The following DYNC1I1 variants were observed in gnomAD, a reference collection of about 807,000 sequenced individuals.
DYNC1I1 encodes the protein cytoplasmic dynein 1 intermediate chain 1.
DYNC1I1 carries 43 observed loss-of-function variants against 86.6 expected under a neutral mutation model. The ratio of observed to expected loss-of-function variants is 0.50; its 90% CI spans 0.39 to 0.64. The LOEUF is 0.64. Among genes scored for constraint, DYNC1I1 ranks in the 30% least tolerant of loss-of-function variants. The probability of loss-of-function intolerance (pLI) is 0.00; values close to 1 mark genes in which losing one functional copy is unlikely to be tolerated. For missense variants in DYNC1I1, 604 were observed against 788.8 expected (o/e 0.77, Z 2.81); for synonymous variants, 262 against 283.7 (o/e 0.92, Z 0.77).
At position 95,912,632 on chromosome 7, in the gene DYNC1I1, A is replaced by G. The variant is rs555335604; in HGVS notation, c.490+42634A>G. Among the ~76,000 whole-genome samples, 3 of 152,310 alleles carry G rather than the reference A, an allele frequency of 2.0e-5. No individual in the cohort carries two copies. The South Asian group carries it at 6.2e-4, about 32-fold the overall frequency. On this transcript the variant is annotated intron_variant, in intron 6 of 16. Transcript: ENST00000447467. ...GCACCTCTCTAGCAGTAGAGAAGGAACCGTTCTAGCCAGACATGCAGGCTT... is the reference window on the plus strand; with the variant it reads ...GCACCTCTCTAGCAGTAGAGAAGGAGCCGTTCTAGCCAGACATGCAGGCTT...
chr7:95,968,933 G>C (rs529130597), intron 6 of DYNC1I1, among the ~76,000 whole-genome samples: 3 of 148,466 alleles, frequency 2.0e-5, no homozygotes, highest in East Asian at 2.2e-4. Flanking sequence ...GGCCATAAAG[G>C]CTGTGTCTTA....
intron 4 of DYNC1I1, among the ~76,000 whole-genome samples, chr7:95,823,431 C>T (rs1213280182): frequency 2.0e-5 from 3 of 152,170 alleles, no homozygotes; most frequent in Non-Finnish European, 4.4e-5. Flanking sequence ...ATATTTTCAG[C>T]TCATATTTAT....
chr7:95,968,645 G>A (rs1029392), intron 6 of DYNC1I1, among the ~76,000 whole-genome samples: 123,637 of 152,158 alleles, frequency 0.81, 50,610 homozygotes, highest in East Asian at 0.92. Context: ...TCCCACCAAA[G>A]GAAACTGCAG....
chr7:95,949,847 G>C (rs1408308072), intron 6 of DYNC1I1, among the ~76,000 whole-genome samples: 1 of 152,188 alleles, frequency 6.6e-6, no homozygotes, highest in Non-Finnish European at 1.5e-5. Context: ...CTGAACAGTA[G>C]AAGTCCAGAT....
intron 16 of DYNC1I1, among the ~76,000 whole-genome samples, chr7:96,084,380 G>A (rs146071881): frequency 1.2e-4 from 18 of 147,598 alleles, no homozygotes; most frequent in African/African-American, 4.4e-4. Context: ...CTGTAGAAAT[G>A]TAGTTAAATG....
At chr7:95,813,088 C>A in intron 3 of DYNC1I1, 159 bp from the exon 4 acceptor site, 1 of 1,362,770 alleles carries the variant, frequency 7.3e-7, no homozygotes, top group Non-Finnish European at 9.7e-7. Context: ...TTTTCCTTTT[C>A]TTTCCTTTTT....
At position 95,843,950 on chromosome 7, in the gene DYNC1I1, A is replaced by G. The variant is rs188232144; in HGVS notation, c.374+15834A>G. Reference sequence around the variant, plus strand: ...TAGCTTGGAAGTGAATAAATATGTCATTGAAATTTGGAACTGCAATGGGAA... The same window carrying G: ...TAGCTTGGAAGTGAATAAATATGTCGTTGAAATTTGGAACTGCAATGGGAA... On this transcript the variant is annotated intron_variant, in intron 5 of 16. Transcript: ENST00000447467. Among the ~76,000 whole-genome samples the G allele has an allele frequency of 2.6e-5, 4 of 152,360 alleles. No individual in the cohort carries two copies. In the East Asian group the frequency reaches 7.7e-4, roughly 29 times the overall value.
At chr7:95,819,012 A>T (rs888092221) in intron 4 of DYNC1I1, 2 of 152,278 alleles carry the variant, frequency 1.3e-5, no homozygotes, top group African/African-American at 4.8e-5. Flanking sequence ...CAAAACACTG[A>T]TATTCGTAGA....
chr7:95,824,177 A>T (rs1328000492), intron 4 of DYNC1I1, among the ~76,000 whole-genome samples: 2 of 148,130 alleles, frequency 1.4e-5, no homozygotes, highest in Non-Finnish European at 3.0e-5. Flanking sequence ...TTTTTTGTAG[A>T]TGCAGAGTTT....
At chr7:96,021,730 T>C (rs1433121672) in intron 10 of DYNC1I1, among the ~76,000 whole-genome samples, 1 of 152,172 alleles carries the variant, frequency 6.6e-6, no homozygotes, top group Non-Finnish European at 1.5e-5. Context: ...GATTTGCCTA[T>C]TCTGGACATT....
intron 2 of DYNC1I1, among the ~76,000 whole-genome samples, chr7:95,808,586 T>C (rs961336278): frequency 3.5e-4 from 54 of 152,182 alleles, no homozygotes; most frequent in African/African-American, 7.2e-5. Flanking sequence ...CCCTGAAGTT[T>C]CATTCTGTCC....
intron 6 of DYNC1I1, among the ~76,000 whole-genome samples, chr7:95,922,858 C>CT (rs1791647137): frequency 6.6e-6 from 1 of 150,722 alleles, no homozygotes; most frequent in Admixed American, 6.6e-5. Context: ...ATTTTTTTTT[C>CT]TAAAAATGGA....
At chr7:95,931,571 A>T (rs1024280832) in intron 6 of DYNC1I1, among the ~76,000 whole-genome samples, 18 of 152,172 alleles carry the variant, frequency 1.2e-4, no homozygotes, top group Middle Eastern at 3.2e-3. Flanking sequence ...ACTAGTTTGT[A>T]TTGTTCTAGT....
At position 95,784,092 on chromosome 7, in the gene DYNC1I1, G is replaced by C. The variant is rs575100638; in HGVS notation, c.-10+11319G>C. Among the ~76,000 whole-genome samples, 12 of 152,256 alleles carry C rather than the reference G, an allele frequency of 7.9e-5. No individual in the cohort carries two copies. In the South Asian group the frequency reaches 2.5e-3, roughly 32 times the overall value. On this transcript the variant is annotated intron_variant, in intron 1 of 16. Coordinates refer to ENST00000447467, the MANE Select transcript of DYNC1I1 (RefSeq NM_001135556.2). The stretch of plus-strand genomic sequence containing the variant: ...CTTAGTAATTCCTGGGATTCTGGAA[G>C]ACTTCCCTTCCTGAATTAGGATCGT...
intron 14 of DYNC1I1, among the ~76,000 whole-genome samples, chr7:96,073,003 G>A (rs750665223): frequency 1.3e-5 from 2 of 152,196 alleles, no homozygotes; most frequent in South Asian, 2.1e-4. Flanking sequence ...AGTGACATTC[G>A]CCTGTGCCCA....
chr7:95,983,899 A>G (rs1014305268), intron 7 of DYNC1I1, among the ~76,000 whole-genome samples: 1 of 152,162 alleles, frequency 6.6e-6, no homozygotes, highest in African/African-American at 2.4e-5. Context: ...TCTCTCCACC[A>G]GAGTTGAACT....
intron 5 of DYNC1I1, among the ~76,000 whole-genome samples, chr7:95,864,881 A>G (rs1789978222): frequency 6.6e-6 from 1 of 151,988 alleles, no homozygotes; most frequent in South Asian, 2.1e-4. Flanking sequence ...GTCTGCCTAA[A>G]CAATGAAGTT....
rs1232613939 is a variant in DYNC1I1 at position 95,902,792 on chromosome 7, C to T, written c.490+32794C>T. Among the ~76,000 whole-genome samples the T allele has an allele frequency of 2.0e-5, 3 of 152,134 alleles. No individual in the cohort carries two copies. In the East Asian group the frequency reaches 5.8e-4, roughly 29 times the overall value. ...TTTCCCCCCAGCGTAGGGAGTTCAA[C>T]GTGTTCTTTATTCAGGCCATTCTAA... On this transcript the variant is annotated intron_variant, in intron 6 of 16. Coordinates refer to ENST00000447467, the MANE Select transcript of DYNC1I1 (RefSeq NM_001135556.2).
intron 5 of DYNC1I1, among the ~76,000 whole-genome samples, chr7:95,845,926 G>A (rs931381928): frequency 4.6e-5 from 7 of 152,042 alleles, no homozygotes; most frequent in Non-Finnish European, 8.8e-5. Flanking sequence ...CAATTATAGG[G>A]CATTTTCCAT....
Sources: gnomAD v4.1 joint callset for allele counts (sites outside exome capture counted in the v4.1 genomes callset) on GRCh38, gnomAD v4.1.1 for gene constraint, MANE v1.5 for transcripts, NCBI Gene and HGNC (gene_info 2026-07-23, HGNC 2026-07-21) for gene names.